Variants in FILIP1L observed in about 807,000 individuals in gnomAD.
The protein encoded by FILIP1L is filamin A interacting protein 1 like.
FILIP1L carries 55 observed loss-of-function variants against 96.6 expected under a neutral mutation model. The observed-to-expected ratio is 0.57, with a 90% CI of 0.46 to 0.71. The LOEUF is 0.71. Among genes scored for constraint, FILIP1L ranks in the 30% least tolerant of loss-of-function variants. FILIP1L has a pLI of 0.00. For missense variants in FILIP1L, 1,304 were observed against 1,321.2 expected (o/e 0.99, Z 0.20); for synonymous variants, 467 against 473.9 (o/e 0.99, Z 0.19).
intron 1 of FILIP1L, among the ~76,000 whole-genome samples, chr3:100,037,959 G>T (rs1211885747): frequency 4.3e-5 from 4 of 92,404 alleles, no homozygotes; most frequent in African/African-American, 1.6e-4. Flanking sequence ...TTTTTTTTGG[G>T]GGGGGAGGGA....
chr3:100,020,760 C>CTTTTTTTTTTT (rs34665880), intron 1 of FILIP1L, among the ~76,000 whole-genome samples: 1 of 70,994 alleles, frequency 1.4e-5, no homozygotes, highest in East Asian at 4.5e-4. Flanking sequence ...GAATAATTAG[C>CTTTTTTTTTTT]TTTTTTTTTT....
intron 4 of FILIP1L, among the ~76,000 whole-genome samples, chr3:99,873,505 A>T (rs924163211): frequency 2.0e-5 from 3 of 152,042 alleles, no homozygotes; most frequent in African/African-American, 7.2e-5. Context: ...GAGGGGCTGT[A>T]TGTTTTTTTT....
chr3:99,927,686 A>G (rs1227229635), intron 3 of FILIP1L, among the ~76,000 whole-genome samples: 1 of 152,116 alleles, frequency 6.6e-6, no homozygotes, highest in African/African-American at 2.4e-5. Flanking sequence ...TCTATAATAT[A>G]TTTTTTGGAA....
intron 1 of FILIP1L, among the ~76,000 whole-genome samples, chr3:100,085,192 G>A (rs1046248207): frequency 7.9e-5 from 12 of 152,150 alleles, no homozygotes; most frequent in African/African-American, 2.9e-4. Context: ...AAGTATCTAA[G>A]GTGATTATAC....
chr3:100,018,693 T>C (rs1425701080), intron 1 of FILIP1L, among the ~76,000 whole-genome samples: 5 of 131,752 alleles, frequency 3.8e-5, no homozygotes, highest in East Asian at 2.2e-4. Context: ...AAAGCAAGAA[T>C]AGATGAATGA....
chr3:100,085,844 A>T (rs561592587), intron 1 of FILIP1L, among the ~76,000 whole-genome samples: 1 of 152,358 alleles, frequency 6.6e-6, no homozygotes, highest in Admixed American at 6.5e-5. Flanking sequence ...CTCGACTAGC[A>T]GGAAAAGAGG....
At chr3:99,871,679 G>A (rs989238259) in intron 4 of FILIP1L, among the ~76,000 whole-genome samples, 14 of 152,104 alleles carry the variant, frequency 9.2e-5, no homozygotes, top group African/African-American at 2.9e-4. Context: ...AGCTGCGGAC[G>A]TCTGAGGAGT....
At chr3:100,074,071 T>C (rs1323073912) in intron 1 of FILIP1L, among the ~76,000 whole-genome samples, 1 of 152,216 alleles carries the variant, frequency 6.6e-6, no homozygotes, top group African/African-American at 2.4e-5. Context: ...GGCCTTTTTT[T>C]TCCCTTCCCT....
At chr3:100,002,245 T>C (rs918944448) in intron 1 of FILIP1L, among the ~76,000 whole-genome samples, 1 of 152,198 alleles carries the variant, frequency 6.6e-6, no homozygotes, top group Admixed American at 6.5e-5. Flanking sequence ...GGTTTAGAGT[T>C]AGGTTAGAGC....
chr3:99,844,452 G>T (rs1202754795), intron 5 of FILIP1L, among the ~76,000 whole-genome samples: 4 of 152,026 alleles, frequency 2.6e-5, no homozygotes, highest in Admixed American at 6.6e-5. Flanking sequence ...CAGAAACCAG[G>T]GTATAGGAAA....
chr3:100,027,547 G>A (rs890152943), intron 1 of FILIP1L, among the ~76,000 whole-genome samples: 1 of 152,110 alleles, frequency 6.6e-6, no homozygotes, highest in South Asian at 2.1e-4. Flanking sequence ...CCACAGATGA[G>A]TTCTTCCCTT....
At chr3:100,054,536 T>C (rs561964155) in intron 1 of FILIP1L, among the ~76,000 whole-genome samples, 168 of 152,156 alleles carry the variant, frequency 1.1e-3, no homozygotes, top group African/African-American at 3.7e-3. Context: ...TGTTATGTTA[T>C]GTTATGTCAT....
At chr3:100,067,610 A>G (rs2065688806) in intron 1 of FILIP1L, among the ~76,000 whole-genome samples, 1 of 152,224 alleles carries the variant, frequency 6.6e-6, no homozygotes, top group South Asian at 2.1e-4. Context: ...CCTTAGGGGG[A>G]AAGAAGAACA....
chr3:100,048,925 G>A (rs1389303320), intron 1 of FILIP1L, among the ~76,000 whole-genome samples: 1 of 152,122 alleles, frequency 6.6e-6, no homozygotes, highest in African/African-American at 2.4e-5. Context: ...TTATGGAAAA[G>A]CACTTTTGTT....
chr3:99,983,436 ATATATG>A (rs1709206580), intron 1 of FILIP1L, among the ~76,000 whole-genome samples: 1 of 69,304 alleles, frequency 1.4e-5, no homozygotes, highest in Admixed American at 1.9e-4. Context: ...ATGTATGTAT[ATATATG>A]TATGTATATA....
At chr3:99,922,821 C>T (rs1220989511) in intron 4 of FILIP1L, among the ~76,000 whole-genome samples, 3 of 152,120 alleles carry the variant, frequency 2.0e-5, no homozygotes, top group African/African-American at 4.8e-5. Flanking sequence ...TTTTTTGCAG[C>T]CACGCTTCTC....
intron 5 of FILIP1L, among the ~76,000 whole-genome samples, chr3:99,844,262 A>G (rs956209553): frequency 3.3e-5 from 5 of 152,176 alleles, no homozygotes; most frequent in Non-Finnish European, 5.9e-5. Context: ...CTACGCCCCC[A>G]GAGGTTCTCA....
chr3:99,931,160 C>T (rs1576581495), intron 1 of FILIP1L, 130 bp from the exon 2 acceptor site: 1 of 715,130 alleles, frequency 1.4e-6, no homozygotes, highest in East Asian at 2.6e-5. Context: ...TTTTTGATGT[C>T]TACAGCAGAG....
intron 1 of FILIP1L, among the ~76,000 whole-genome samples, chr3:100,042,805 TA>T (rs1201319171): frequency 6.6e-6 from 1 of 152,186 alleles, no homozygotes; most frequent in Non-Finnish European, 1.5e-5. Flanking sequence ...TTAAAGTTCC[TA>T]ACAATCGAGT....
Sources: allele counts gnomAD v4.1 joint callset (sites outside exome capture counted in the v4.1 genomes callset), GRCh38; gene constraint gnomAD v4.1.1; transcripts MANE v1.5; gene names NCBI Gene and HGNC (gene_info 2026-07-23, HGNC 2026-07-21).